The following FMNL3 variants were observed in gnomAD, a reference collection of about 807,000 sequenced individuals.
FMNL3 encodes formin-like protein 3.
FMNL3 carries 57 observed loss-of-function variants against 119.6 expected under a neutral mutation model. The observed-to-expected ratio is 0.48, with a 90% CI of 0.39 to 0.59. The LOEUF (loss-of-function observed/expected upper bound fraction) is 0.59, where lower values mean the gene tolerates loss of function less well. Ranked by LOEUF, FMNL3 falls within the 20% of genes least tolerant of loss-of-function variation. The probability of loss-of-function intolerance (pLI) is 0.00; values close to 1 mark genes in which losing one functional copy is unlikely to be tolerated. For synonymous variants in FMNL3, 491 were observed against 507.3 expected (o/e 0.97, Z 0.43); for missense variants, 1,053 against 1,323.5 (o/e 0.80, Z 3.17).
chr12:49,649,211 A>G lies in FMNL3; in HGVS notation c.2385+48T>C, dbSNP rs771382390. ...AAGAGCTAAGCACTCTGGCTCCACA[A>G]CTGCTGCCCCCCAGGCTTCCTGGCC... On this transcript the variant is annotated intron_variant, in intron 20 of 25. Transcript: ENST00000335154. This position sits in a 1 kb window ranked among gnomAD's most constrained non-coding sequence, Gnocchi z 5.6. The G allele has an allele frequency of 1.2e-6, 2 of 1,613,172 alleles. No individual in the cohort carries two copies. Among genetic ancestry groups the G allele is most frequent in the Admixed American group, 3.3e-5 (2 of 59,956 alleles).
intron 1 of FMNL3, among the ~76,000 whole-genome samples, chr12:49,686,694 C>G (rs1389124082): frequency 6.6e-6 from 1 of 152,104 alleles, no homozygotes; most frequent in Non-Finnish European, 1.5e-5. Context: ...AGCTGCTTCC[C>G]AGACCAGACT....
In FMNL3 at chr12:49,697,970, A is replaced by C. The variant is rs540188742; in HGVS notation, c.126+9085T>G. Among the ~76,000 whole-genome samples the C allele has an allele frequency of 1.4e-4, 21 of 152,262 alleles. No individual in the cohort carries two copies. In the South Asian group the frequency reaches 3.9e-3, roughly 29 times the overall value. On this transcript the variant is annotated intron_variant, in intron 1 of 25. Coordinates refer to ENST00000335154, the MANE Select transcript of FMNL3 (RefSeq NM_175736.5). ...TTTTTTTTAAGATTTCATGGGAAAC[A>C]CTAGGAGGATCTATTGACTGGCTCC...
At chr12:49,655,717 C>A (rs1266777693) in intron 9 of FMNL3, among the ~76,000 whole-genome samples, 1 of 152,082 alleles carries the variant, frequency 6.6e-6, no homozygotes, top group Non-Finnish European at 1.5e-5. Context: ...TGAGAGGGGT[C>A]TAGAGGCTCC....
chr12:49,643,633 A>G lies in FMNL3; in HGVS notation c.*2182T>C. 6.4e-7 allele frequency: 1 copy of G among 1,566,444 alleles called. No individual in the cohort carries two copies. Among genetic ancestry groups the G allele is most frequent in the African/African-American group, 1.4e-5 (1 of 72,866 alleles). On this transcript the variant is annotated 3_prime_UTR_variant, in exon 26 of 26. Coordinates refer to ENST00000335154, the MANE Select transcript of FMNL3 (RefSeq NM_175736.5). Reference sequence around the variant, plus strand: ...AAGAATGAACAGAGGGGCTAGAACAAAGAAAAAGAGCCTGTCTTTCTCCTG... The same window carrying G: ...AAGAATGAACAGAGGGGCTAGAACAGAGAAAAAGAGCCTGTCTTTCTCCTG...
At chr12:49,651,564 G>A in intron 14 of FMNL3, 114 bp from the exon 15 acceptor site, 4 of 896,700 alleles carry the variant, frequency 4.5e-6, no homozygotes, top group Non-Finnish European at 6.2e-6. Context: ...AAAACTCTCA[G>A]AGAAGGAGCC....
chr12:49,684,300 C>T (rs1456598822), intron 1 of FMNL3, among the ~76,000 whole-genome samples: 2 of 152,058 alleles, frequency 1.3e-5, no homozygotes, highest in Admixed American at 1.3e-4. Flanking sequence ...CCTCAGAGGC[C>T]CTCCTGAGTG....
Position 49,649,489 on chromosome 12 carries a change from T to C in FMNL3, c.2285A>G (p.Lys762Arg), listed in dbSNP as rs768229574. 1.2e-6 allele frequency: 2 copies of C among 1,614,154 alleles called. No homozygotes were observed. The highest frequency in any genetic ancestry group is 1.7e-6 in the Non-Finnish European group (2 of 1,180,044). The change falls in exon 19 of 26, where the codon AAG becomes AGG. Residue 762 changes from lysine (K) to arginine (R), a missense_variant. By Grantham distance (26) the Lys-to-Arg change is conservative (BLOSUM62 2). Around this residue, in one of 4 missense-constraint regions of FMNL3, gnomAD observed 324 missense variants for 380.9 expected, o/e 0.85. Transcript: ENST00000335154. This position sits in a 1 kb window ranked among gnomAD's most constrained non-coding sequence, Gnocchi z 5.6. Reference sequence around the variant, plus strand: ...TCCCACCTCCAACATCTGCTTCAGCTTCTGTGAAGACTTGACGGAAGCGGA... The same window carrying C: ...TCCCACCTCCAACATCTGCTTCAGCCTCTGTGAAGACTTGACGGAAGCGGA... ...AASASVKSSQ[K>R]LKQMLEIILA... is the part of the protein sequence containing the mutation.
chr12:49,641,032 G>GAC lies in FMNL3; in HGVS notation c.*4782_*4783insGT. 6.6e-6 allele frequency: 1 copy of GAC among 152,382 alleles called. No homozygotes were observed. The allele number at this position is 152,382 out of a possible 1,614,324, so 9.4% of individuals were successfully genotyped here. The stretch of plus-strand genomic sequence containing the variant: ...GGCCAGAGGAGGTGAGAGCTATGTG[G>GAC]AGGGAGAGAAAGGGAATCTGGCCTG... On this transcript the variant is annotated 3_prime_UTR_variant, in exon 26 of 26. Transcript: ENST00000335154.
chr12:49,684,566 CA>C (rs1164493628), intron 1 of FMNL3, among the ~76,000 whole-genome samples: 1 of 152,242 alleles, frequency 6.6e-6, no homozygotes, highest in Admixed American at 6.5e-5. Flanking sequence ...AAACTTTTAA[CA>C]AGGACATTCT....
chr12:49,697,790 C>G (rs376816775), intron 1 of FMNL3, among the ~76,000 whole-genome samples: 198 of 152,084 alleles, frequency 1.3e-3, no homozygotes, highest in South Asian at 0.011. Flanking sequence ...AGGTATTATC[C>G]TCACACGTGT....
chr12:49,641,044 G>C lies in FMNL3; in HGVS notation c.*4771C>G, dbSNP rs1942568801. 6.6e-6 allele frequency: 1 copy of C among 152,292 alleles called. No homozygotes were observed. The highest frequency in any genetic ancestry group is 2.1e-4 in the South Asian group (1 of 4,832). 9.4% of individuals were successfully genotyped at this position (152,292 alleles called of 1,614,324 possible). A position where few individuals can be genotyped will look rare whatever the true frequency, so the allele number is the denominator to read the frequency against. ...TGAGAGCTATGTGGAGGGAGAGAAA[G>C]GGAATCTGGCCTGTGCTTAACTGAC... On this transcript the variant is annotated 3_prime_UTR_variant, in exon 26 of 26. Coordinates refer to ENST00000335154, the MANE Select transcript of FMNL3 (RefSeq NM_175736.5).
chr12:49,653,352 T>A, intron 12 of FMNL3, 25 bp from the exon 13 acceptor site: 1 of 1,611,276 alleles, frequency 6.2e-7, no homozygotes, highest in Non-Finnish European at 8.5e-7. Context: ...GGGCAGGTTC[T>A]GTGCTGGCCC....
rs750640824 is a variant in FMNL3, at chr12:49,643,291, C to T, written c.*2524G>A. On this transcript the variant is annotated 3_prime_UTR_variant, in exon 26 of 26. Transcript: ENST00000335154. ...GGCCCCCCAAGCGGAGGAGGCGGAACCCCTCAGAGTCAGGCTCTGAGCCCT... is the reference window on the plus strand; with the variant it reads ...GGCCCCCCAAGCGGAGGAGGCGGAATCCCTCAGAGTCAGGCTCTGAGCCCT... 3 of 1,613,490 alleles carry T rather than the reference C, an allele frequency of 1.9e-6. No homozygotes were observed. The highest frequency in any genetic ancestry group is 1.3e-5 in the African/African-American group (1 of 74,884).
intron 1 of FMNL3, among the ~76,000 whole-genome samples, chr12:49,704,950 C>T (rs1407721802): frequency 6.6e-6 from 1 of 152,118 alleles, no homozygotes; most frequent in African/African-American, 2.4e-5. Context: ...CAGGAAATAC[C>T]CCTAAGCCTG....
At chr12:49,658,345 A>G (rs1342676544) in intron 6 of FMNL3, 97 bp downstream of exon 6, 33 of 1,460,738 alleles carry the variant, frequency 2.3e-5, no homozygotes, top group Non-Finnish European at 2.8e-5. Context: ...CCTGGAAGCA[A>G]GAGTGGAGGG....
Position 49,648,183 on chromosome 12 carries a change from C to G in FMNL3, c.2676+10G>C. ...CCTGGTTGCTCCCACCGCCTGCACCCCGTGCTTGCCTCAGCCGTCTTGGCG... is the reference window on the plus strand; with the variant it reads ...CCTGGTTGCTCCCACCGCCTGCACCGCGTGCTTGCCTCAGCCGTCTTGGCG... On this transcript the variant is annotated intron_variant, in intron 22 of 25. Coordinates refer to ENST00000335154, the MANE Select transcript of FMNL3 (RefSeq NM_175736.5). The G allele has an allele frequency of 6.2e-7, 1 of 1,609,812 alleles. No homozygotes were observed. The highest frequency in any genetic ancestry group is 8.5e-7 in the Non-Finnish European group (1 of 1,177,334).
chr12:49,641,918 T>C lies in FMNL3; in HGVS notation c.*3897A>G. ...CTGCTGTACCCACAGGACCGGGGCTTCTGCGTGGAGGTGAACACGGCCTTT... is the reference window on the plus strand; with the variant it reads ...CTGCTGTACCCACAGGACCGGGGCTCCTGCGTGGAGGTGAACACGGCCTTT... On this transcript the variant is annotated 3_prime_UTR_variant, in exon 26 of 26. Coordinates refer to ENST00000335154, the MANE Select transcript of FMNL3 (RefSeq NM_175736.5). 1 of 1,613,398 alleles carries C rather than the reference T, an allele frequency of 6.2e-7. No homozygotes were observed. The highest frequency in any genetic ancestry group is 8.5e-7 in the Non-Finnish European group (1 of 1,180,030).
At chr12:49,703,335 A>G (rs1039578008) in intron 1 of FMNL3, among the ~76,000 whole-genome samples, 1 of 152,124 alleles carries the variant, frequency 6.6e-6, no homozygotes, top group Non-Finnish European at 1.5e-5. Context: ...ACCAAAACAC[A>G]CTGGGACTGT....
Position 49,648,360 on chromosome 12 carries a change from A to G in FMNL3, c.2516-7T>C. The G allele has an allele frequency of 6.2e-7, 1 of 1,607,968 alleles. No individual in the cohort carries two copies. The highest frequency in any genetic ancestry group is 1.1e-5 in the South Asian group (1 of 90,532). ...AGCACGTTCTCCAGGGACACTGGTC[A>G]CCAAAAGCCTGGCTGAGGAATGCCT... On this transcript the variant is annotated splice_region_variant and splice_polypyrimidine_tract_variant and intron_variant, in intron 21 of 25. Transcript: ENST00000335154.
Sources: gnomAD v4.1 joint callset for allele counts (sites outside exome capture counted in the v4.1 genomes callset) on GRCh38, gnomAD v4.1.1 for gene constraint, gnomAD v4.1.1 regional missense constraint, Gnocchi (gnomAD v3.1) non-coding constraint, MANE v1.5 for transcripts, NCBI Gene and HGNC (gene_info 2026-07-23, HGNC 2026-07-21) for gene names.